Variants in LRMDA observed in about 807,000 individuals in gnomAD.
The protein encoded by LRMDA is leucine rich melanocyte differentiation associated.
A neutral mutation model predicts 29.8 loss-of-function variants in LRMDA; 18 were observed. That is an observed-to-expected ratio of 0.60 (90% confidence interval 0.42 to 0.90). The LOEUF (loss-of-function observed/expected upper bound fraction) is 0.90, where lower values mean the gene tolerates loss of function less well. Ranked by LOEUF, LRMDA falls within the 40% of genes least tolerant of loss-of-function variation. The pLI is 0.00. For missense variants in LRMDA, 273 were observed against 273.9 expected (o/e 1.00, Z 0.02); for synonymous variants, 125 against 109.4 (o/e 1.14, Z -0.89).
intron 5 of LRMDA, among the ~76,000 whole-genome samples, chr10:76,262,258 A>G (rs1276846015): frequency 2.6e-5 from 4 of 152,170 alleles, no homozygotes; most frequent in African/African-American, 9.7e-5. Context: ...TCAAATGCAT[A>G]TAACCTAAAA....
chr10:76,214,461 C>T (rs557903438), intron 5 of LRMDA, among the ~76,000 whole-genome samples: 2 of 151,512 alleles, frequency 1.3e-5, no homozygotes, highest in South Asian at 2.1e-4. Flanking sequence ...TCTCCTGCCT[C>T]AGCCTCCCGA....
At chr10:76,409,181 A>G (rs1200718030) in intron 6 of LRMDA, among the ~76,000 whole-genome samples, 4 of 152,166 alleles carry the variant, frequency 2.6e-5, no homozygotes, top group Non-Finnish European at 5.9e-5. Flanking sequence ...ACACTCAATA[A>G]TGGTGAGATT....
chr10:75,647,648 G>T (rs1204498290), intron 2 of LRMDA: 1 of 152,068 alleles, frequency 6.6e-6, no homozygotes, highest in Non-Finnish European at 1.5e-5. Flanking sequence ...TTTGTGTCTT[G>T]GTCAAGACTC....
chr10:76,548,142 G>T (rs1843444306), intron 6 of LRMDA, among the ~76,000 whole-genome samples: 1 of 152,088 alleles, frequency 6.6e-6, no homozygotes, highest in African/African-American at 2.4e-5. Context: ...GGATATTTCT[G>T]GGCTAGATAG....
chr10:75,976,693 A>T (rs901363078), intron 2 of LRMDA, among the ~76,000 whole-genome samples: 1 of 152,212 alleles, frequency 6.6e-6, no homozygotes, highest in African/African-American at 2.4e-5. Flanking sequence ...AGTGTTTACA[A>T]TGACCACAGG....
intron 5 of LRMDA, among the ~76,000 whole-genome samples, chr10:76,300,614 T>C (rs1840468879): frequency 6.6e-6 from 1 of 152,274 alleles, no homozygotes; most frequent in South Asian, 2.1e-4. Flanking sequence ...TCTTCCATCA[T>C]TCAGACGCTA....
chr10:76,300,578 CTT>C (rs1451127912), intron 5 of LRMDA, among the ~76,000 whole-genome samples: 2 of 152,226 alleles, frequency 1.3e-5, no homozygotes, highest in Non-Finnish European at 2.9e-5. Context: ...GGTTCTCTGT[CTT>C]TCTCTCCTGG....
At chr10:75,559,360 C>T (rs1185310473) in intron 2 of LRMDA, among the ~76,000 whole-genome samples, 1 of 150,642 alleles carries the variant, frequency 6.6e-6, no homozygotes, top group Non-Finnish European at 1.5e-5. Flanking sequence ...ATGTCCTTTG[C>T]CCACTTTTTG....
intron 2 of LRMDA, among the ~76,000 whole-genome samples, chr10:75,684,192 C>T (rs997931289): frequency 6.6e-6 from 1 of 152,134 alleles, no homozygotes; most frequent in Non-Finnish European, 1.5e-5. Flanking sequence ...ATCTACCAGC[C>T]AGTGAGAGAA....
intron 4 of LRMDA, among the ~76,000 whole-genome samples, chr10:76,050,673 G>A (rs949672357): frequency 2.6e-5 from 4 of 152,180 alleles, no homozygotes; most frequent in Non-Finnish European, 4.4e-5. Context: ...AGACTTGGCC[G>A]GAGAGACCAC....
chr10:75,902,368 A>C (rs1302252230), intron 2 of LRMDA, among the ~76,000 whole-genome samples: 1 of 151,850 alleles, frequency 6.6e-6, no homozygotes, highest in African/African-American at 2.4e-5. Flanking sequence ...TGTTCCCTGG[A>C]CCTCTTTATC....
At chr10:75,818,836 C>T (rs1036282954) in intron 2 of LRMDA, among the ~76,000 whole-genome samples, 12 of 152,160 alleles carry the variant, frequency 7.9e-5, no homozygotes, top group Non-Finnish European at 1.5e-5. Context: ...TATTGCAGGG[C>T]ACGTTGAAAT....
chr10:75,645,648 T>C (rs746341784), intron 2 of LRMDA, among the ~76,000 whole-genome samples: 1 of 152,036 alleles, frequency 6.6e-6, no homozygotes, highest in Non-Finnish European at 1.5e-5. Context: ...GAAACTTGAC[T>C]TAAGGGGTGG....
At chr10:75,907,109 G>T (rs945476567) in intron 2 of LRMDA, among the ~76,000 whole-genome samples, 5 of 152,178 alleles carry the variant, frequency 3.3e-5, no homozygotes, top group Non-Finnish European at 1.5e-5. Context: ...GTTGTGAAAA[G>T]AGTCATAGGA....
chr10:76,164,042 C>G (rs1850692719), intron 5 of LRMDA, among the ~76,000 whole-genome samples: 1 of 152,152 alleles, frequency 6.6e-6, no homozygotes, highest in Non-Finnish European at 1.5e-5. Context: ...AAACAACCCT[C>G]TGAAGTTTCC....
chr10:75,728,725 T>C (rs1341492607), intron 2 of LRMDA, among the ~76,000 whole-genome samples: 1 of 152,090 alleles, frequency 6.6e-6, no homozygotes, highest in Non-Finnish European at 1.5e-5. Flanking sequence ...GGTGTTCTAA[T>C]ATGCAGGTGG....
chr10:75,521,011 C>T (rs180972561), intron 2 of LRMDA, among the ~76,000 whole-genome samples: 100 of 152,296 alleles, frequency 6.6e-4, no homozygotes, highest in African/African-American at 2.0e-3. Context: ...GTATCACCAG[C>T]GGAGGCTGCA....
chr10:76,473,701 C>T (rs1842640778), intron 6 of LRMDA, among the ~76,000 whole-genome samples: 1 of 150,824 alleles, frequency 6.6e-6, no homozygotes, highest in African/African-American at 2.4e-5. Flanking sequence ...AATGTAGAAA[C>T]ATCCATCGTA....
At chr10:75,942,515 C>T (rs532771388) in intron 2 of LRMDA, among the ~76,000 whole-genome samples, 18 of 152,220 alleles carry the variant, frequency 1.2e-4, no homozygotes, top group South Asian at 4.2e-4. Flanking sequence ...TAACCACTTG[C>T]GGGAAGTTAA....
Sources: gnomAD v4.1 joint callset for allele counts (sites outside exome capture counted in the v4.1 genomes callset) on GRCh38, gnomAD v4.1.1 for gene constraint, MANE v1.5 for transcripts, NCBI Gene and HGNC (gene_info 2026-07-23, HGNC 2026-07-21) for gene names.